CSMD3: variants seen among roughly 807,000 people sequenced by gnomAD.
CSMD3 encodes the protein CUB and Sushi multiple domains 3, also known as CUB and sushi domain-containing protein 3.
A neutral mutation model predicts 435.2 loss-of-function variants in CSMD3; 177 were observed. That is an observed-to-expected ratio of 0.41 (90% CI 0.36 to 0.46). CSMD3 has a LOEUF of 0.46. CSMD3 is among the 20% of genes least tolerant of loss of function. The probability of loss-of-function intolerance (pLI) is 0.34; values close to 1 mark genes in which losing one functional copy is unlikely to be tolerated. For missense variants in CSMD3, 4,265 were observed against 4,504.6 expected (o/e 0.95, Z 1.52); for synonymous variants, 1,656 against 1,520.5 (o/e 1.09, Z -2.07).
In CSMD3 at chr8:113,315,876, G is replaced by A. The variant is rs373953526; in HGVS notation, c.179-1083C>T. Among the ~76,000 whole-genome samples, 17 of 151,550 alleles carry A rather than the reference G, an allele frequency of 1.1e-4. No homozygotes were observed. In the South Asian group the frequency reaches 3.5e-3, roughly 32 times the overall value. On this transcript the variant is annotated intron_variant, in intron 1 of 70. Transcript: ENST00000297405. ...TGGAATTACAGACATGCACCACCACGCCCGGCTAATTTTTGTATTTGTAGT... is the reference window on the plus strand; with the variant it reads ...TGGAATTACAGACATGCACCACCACACCCGGCTAATTTTTGTATTTGTAGT...
At chr8:113,345,122 T>C (rs1253070158) in intron 1 of CSMD3, among the ~76,000 whole-genome samples, 4 of 152,088 alleles carry the variant, frequency 2.6e-5, no homozygotes, top group Non-Finnish European at 4.4e-5. Flanking sequence ...GCATAATACT[T>C]ACCTGAGGCA....
intron 27 of CSMD3, among the ~76,000 whole-genome samples, chr8:112,546,663 AATGAGACAGGCAG>A (rs1827208097): frequency 6.6e-6 from 1 of 152,176 alleles, no homozygotes; most frequent in Non-Finnish European, 1.5e-5. Flanking sequence ...ACTAAAGTGG[AATGAGACAGGCAG>A]ATTAAAATGT....
intron 4 of CSMD3, among the ~76,000 whole-genome samples, chr8:113,156,512 A>G (rs1296996211): frequency 6.6e-6 from 1 of 151,792 alleles, no homozygotes; most frequent in Non-Finnish European, 1.5e-5. Flanking sequence ...AAATTAATAT[A>G]TTGTTAGAAG....
intron 7 of CSMD3, among the ~76,000 whole-genome samples, chr8:112,972,143 T>A (rs1240612716): frequency 6.6e-6 from 1 of 151,984 alleles, no homozygotes; most frequent in Non-Finnish European, 1.5e-5. Flanking sequence ...ATAATATTGA[T>A]GTCAATTATT....
chr8:113,068,220 C>A (rs1167914274), intron 5 of CSMD3, among the ~76,000 whole-genome samples: 2 of 151,988 alleles, frequency 1.3e-5, no homozygotes, highest in South Asian at 2.1e-4. Context: ...ACTGTGAATT[C>A]TCGATGACAA....
At chr8:112,236,424 C>T (rs948482369) in intron 67 of CSMD3, among the ~76,000 whole-genome samples, 2 of 151,826 alleles carry the variant, frequency 1.3e-5, no homozygotes, top group African/African-American at 4.8e-5. Context: ...AGTTGGAAGG[C>T]AAAGAGCTTT....
chr8:112,777,429 T>C (rs889112834), intron 13 of CSMD3, among the ~76,000 whole-genome samples: 2 of 151,856 alleles, frequency 1.3e-5, no homozygotes, highest in Non-Finnish European at 1.5e-5. Flanking sequence ...TGCAGATACT[T>C]CTTAATAAGT....
chr8:113,059,238 A>G lies in CSMD3; in HGVS notation c.917+39518T>C, dbSNP rs144243967. On this transcript the variant is annotated intron_variant, in intron 5 of 70. Transcript: ENST00000297405. ...AGTTAGATTATATAACCCAAAACAT[A>G]CATTCCCATCACTGCATGAAACAAA... Among the ~76,000 whole-genome samples, 330 of 152,218 alleles carry G rather than the reference A, an allele frequency of 2.2e-3. 1 individual carries two copies. The highest frequency in any genetic ancestry group is 6.8e-3 in the Middle Eastern group (2 of 294).
At chr8:112,567,060 TC>T (rs1220877950) in intron 24 of CSMD3, among the ~76,000 whole-genome samples, 1 of 152,106 alleles carries the variant, frequency 6.6e-6, no homozygotes, top group Non-Finnish European at 1.5e-5. Flanking sequence ...TGACCTAGAT[TC>T]CCTTGGCATG....
chr8:113,271,518 TACAC>T (rs2093526671), intron 3 of CSMD3, among the ~76,000 whole-genome samples: 1 of 152,168 alleles, frequency 6.6e-6, no homozygotes, highest in Non-Finnish European at 1.5e-5. Context: ...CTTGGCAGCT[TACAC>T]GTGATGTTGA....
At chr8:113,179,078 A>G (rs1474012637) in intron 3 of CSMD3, among the ~76,000 whole-genome samples, 1 of 151,826 alleles carries the variant, frequency 6.6e-6, no homozygotes, top group Non-Finnish European at 1.5e-5. Flanking sequence ...TACTAATTCA[A>G]TGTTGAGTGG....
chr8:112,993,470 A>T (rs2085529858), intron 6 of CSMD3, among the ~76,000 whole-genome samples: 1 of 151,842 alleles, frequency 6.6e-6, no homozygotes, highest in Non-Finnish European at 1.5e-5. Flanking sequence ...TTAAGAAAAC[A>T]GGCTAATATA....
intron 13 of CSMD3, among the ~76,000 whole-genome samples, chr8:112,694,008 C>A (rs2076196661): frequency 6.6e-6 from 1 of 151,510 alleles, no homozygotes; most frequent in South Asian, 2.1e-4. Context: ...GTTGTCATTT[C>A]CTAAATATTT....
Position 112,327,596 on chromosome 8 carries a change from C to T in CSMD3, c.7166-7615G>A, listed in dbSNP as rs150309890. On this transcript the variant is annotated intron_variant, in intron 45 of 70. Coordinates refer to ENST00000297405, the MANE Select transcript of CSMD3 (RefSeq NM_198123.2). ...AAAAGCTGCACAAAATAGATATTCA[C>T]ACTTTAAAAATACACATTGGAACTA... Among the ~76,000 whole-genome samples the T allele has an allele frequency of 2.2e-3, 337 of 152,274 alleles. 3 individuals are homozygous for T. Among genetic ancestry groups the T allele is most frequent in the Middle Eastern group, 6.8e-3 (2 of 294 alleles).
intron 70 of CSMD3, among the ~76,000 whole-genome samples, chr8:112,226,627 C>T (rs904060641): frequency 7.2e-5 from 11 of 152,036 alleles, no homozygotes; most frequent in African/African-American, 2.7e-4. Flanking sequence ...ATACAACCCA[C>T]GGAAAGGGAG....
chr8:112,506,482 G>A (rs982534633), intron 29 of CSMD3, among the ~76,000 whole-genome samples: 3 of 151,972 alleles, frequency 2.0e-5, no homozygotes, highest in Non-Finnish European at 2.9e-5. Flanking sequence ...AGCTTCATGC[G>A]GGAAAATGGA....
rs920704594 is a variant in CSMD3, at chr8:113,395,424, C to T, written c.178+41253G>A. 1.3e-4 allele frequency among the ~76,000 whole-genome samples: 20 copies of T among 151,922 alleles called. No individual in the cohort carries two copies. In the East Asian group the frequency reaches 3.7e-3, roughly 28 times the overall value. On this transcript the variant is annotated intron_variant, in intron 1 of 70. Transcript: ENST00000297405. ...AGATTGAGACCCATCCTGGCTAACA[C>T]AGTGAAACCCCGTCTCTACTAAAAA...
chr8:112,410,640 A>ATATATATATGTG (rs1563913216), intron 32 of CSMD3, among the ~76,000 whole-genome samples: 1 of 57,528 alleles, frequency 1.7e-5, no homozygotes, highest in Non-Finnish European at 3.6e-5. Context: ...ATATATATGT[A>ATATATATATGTG]TATATATATG....
intron 32 of CSMD3, among the ~76,000 whole-genome samples, chr8:112,472,247 A>G (rs929725382): frequency 2.0e-5 from 3 of 152,186 alleles, no homozygotes; most frequent in African/African-American, 4.8e-5. Context: ...GACTTAATAC[A>G]TATTTTACAG....
Sources: allele counts gnomAD v4.1 joint callset (sites outside exome capture counted in the v4.1 genomes callset), GRCh38; gene constraint gnomAD v4.1.1; transcripts MANE v1.5; gene names NCBI Gene and HGNC (gene_info 2026-07-23, HGNC 2026-07-21).